The following GAPVD1 variants were observed in gnomAD, a reference collection of about 807,000 sequenced individuals.
GAPVD1 encodes GTPase activating protein and VPS9 domains 1, also known as GTPase-activating protein and VPS9 domain-containing protein 1.
Under a neutral mutation model 155.5 loss-of-function variants are expected in GAPVD1, and 35 were observed. That is an observed-to-expected ratio of 0.23 (90% CI 0.17 to 0.30). The LOEUF (loss-of-function observed/expected upper bound fraction) is 0.30, where lower values mean the gene tolerates loss of function less well. GAPVD1 is among the 10% of genes least tolerant of loss of function. The pLI is 1.00. For synonymous variants in GAPVD1, 636 were observed against 619.7 expected, an observed-to-expected ratio of 1.03 and a Z score of -0.39; for missense variants, 1,429 against 1,775.7, an observed-to-expected ratio of 0.80 and a Z score of 3.51.
intron 2 of GAPVD1, among the ~76,000 whole-genome samples, chr9:125,274,749 A>G (rs1056614693): frequency 3.3e-5 from 5 of 152,308 alleles, no homozygotes; most frequent in African/African-American, 1.2e-4. Context: ...GGCGTGAGCC[A>G]CTGTGCCTGG....
chr9:125,280,062 A>G (rs1228061633), intron 2 of GAPVD1, among the ~76,000 whole-genome samples: 1 of 148,970 alleles, frequency 6.7e-6, no homozygotes, highest in African/African-American at 2.5e-5. Context: ...TGCGCTGGCC[A>G]AAACATAGTT....
At chr9:125,298,025 C>G (rs1299250744) in intron 3 of GAPVD1, among the ~76,000 whole-genome samples, 1 of 152,066 alleles carries the variant, frequency 6.6e-6, no homozygotes, top group Non-Finnish European at 1.5e-5. Flanking sequence ...GGATTACATG[C>G]GTGAGCCACC....
chr9:125,328,843 C>T (rs560399487), intron 12 of GAPVD1, among the ~76,000 whole-genome samples: 1 of 148,510 alleles, frequency 6.7e-6, no homozygotes, highest in African/African-American at 2.5e-5. Context: ...ACCCCCCCCC[C>T]ACCTCCCTCC....
At chr9:125,284,514 G>T (rs956403075) in intron 2 of GAPVD1, among the ~76,000 whole-genome samples, 9 of 150,918 alleles carry the variant, frequency 6.0e-5, no homozygotes, top group African/African-American at 2.2e-4. Context: ...GTCTCGTTAT[G>T]TTGCCCAGGC....
intron 15 of GAPVD1, 92 bp downstream of exon 15, chr9:125,332,721 G>A (rs1376682375): frequency 4.9e-6 from 5 of 1,028,698 alleles, no homozygotes; most frequent in Non-Finnish European, 7.4e-6. Flanking sequence ...GCATCTGTTG[G>A]TATAGCACTT....
intron 20 of GAPVD1, among the ~76,000 whole-genome samples, chr9:125,348,256 C>G (rs1408377533): frequency 6.6e-6 from 1 of 152,086 alleles, no homozygotes; most frequent in Non-Finnish European, 1.5e-5. Flanking sequence ...GGGGCTTCGC[C>G]ATGTTGCCCA....
intron 25 of GAPVD1, among the ~76,000 whole-genome samples, chr9:125,357,890 G>T (rs146549358): frequency 6.6e-6 from 1 of 150,524 alleles, no homozygotes; most frequent in Admixed American, 6.6e-5. Flanking sequence ...CAGGAGGATT[G>T]CTTGAACCCA....
At chr9:125,280,147 A>G (rs914634040) in intron 2 of GAPVD1, among the ~76,000 whole-genome samples, 1 of 151,330 alleles carries the variant, frequency 6.6e-6, no homozygotes, top group African/African-American at 2.4e-5. Flanking sequence ...CTGTAATCCC[A>G]GCACTTTGGG....
At chr9:125,305,470 C>G (rs1841628248) in intron 6 of GAPVD1, among the ~76,000 whole-genome samples, 1 of 148,510 alleles carries the variant, frequency 6.7e-6, no homozygotes, top group South Asian at 2.1e-4. Context: ...CCTCCGGGTT[C>G]AAGCAACTCT....
intron 5 of GAPVD1, 66 bp from the exon 6 acceptor site, chr9:125,304,997 C>T: frequency 9.8e-7 from 1 of 1,017,804 alleles, no homozygotes; most frequent in Non-Finnish European, 1.6e-6. Flanking sequence ...TGCTTGCTTT[C>T]ATAGAGACGT....
intron 23 of GAPVD1, among the ~76,000 whole-genome samples, chr9:125,353,176 A>C (rs552266481): frequency 3.3e-5 from 5 of 152,280 alleles, no homozygotes; most frequent in Admixed American, 2.6e-4. Context: ...GCTGCTTAGA[A>C]ATTTCTTCTG....
intron 2 of GAPVD1, among the ~76,000 whole-genome samples, chr9:125,274,721 C>G (rs1030485462): frequency 3.9e-5 from 6 of 152,148 alleles, no homozygotes; most frequent in African/African-American, 1.4e-4. Flanking sequence ...CTTGGCCTCC[C>G]AAAGTGCTGG....
At chr9:125,331,896 A>T in intron 13 of GAPVD1, 30 bp from the exon 14 acceptor site, 1 of 1,611,500 alleles carries the variant, frequency 6.2e-7, no homozygotes, top group Non-Finnish European at 8.5e-7. Flanking sequence ...GAGAATCACA[A>T]ATGTAACATA....
At chr9:125,322,452 G>A (rs1844470674) in intron 10 of GAPVD1, among the ~76,000 whole-genome samples, 1 of 151,830 alleles carries the variant, frequency 6.6e-6, no homozygotes, top group Non-Finnish European at 1.5e-5. Flanking sequence ...ATTTTAATCT[G>A]ACTTTTCCAA....
chr9:125,331,134 G>A (rs1350246022), intron 13 of GAPVD1, among the ~76,000 whole-genome samples: 1 of 151,910 alleles, frequency 6.6e-6, no homozygotes, highest in Non-Finnish European at 1.5e-5. Flanking sequence ...AAGTAACTGT[G>A]TATCTGCATT....
intron 10 of GAPVD1, among the ~76,000 whole-genome samples, chr9:125,321,926 G>A (rs1320085888): frequency 2.0e-5 from 3 of 152,084 alleles, no homozygotes; most frequent in Non-Finnish European, 2.9e-5. Flanking sequence ...TCAATATGTT[G>A]CACATACTCT....
intron 2 of GAPVD1, among the ~76,000 whole-genome samples, chr9:125,273,496 C>CTTTT (rs1379407202): frequency 7.7e-6 from 1 of 129,766 alleles, no homozygotes; most frequent in African/African-American, 2.8e-5. Flanking sequence ...TTTTTCTTTT[C>CTTTT]TTTTTTTTTT....
At chr9:125,322,388 A>C (rs986537133) in intron 10 of GAPVD1, among the ~76,000 whole-genome samples, 1 of 151,784 alleles carries the variant, frequency 6.6e-6, no homozygotes, top group East Asian at 1.9e-4. Context: ...ATTTAAAGAC[A>C]ATAGTTCAAA....
At chr9:125,307,992 C>A in intron 8 of GAPVD1, 112 bp downstream of exon 8, 1 of 754,386 alleles carries the variant, frequency 1.3e-6, no homozygotes, top group South Asian at 1.6e-5. Context: ...AAGTCTTTCT[C>A]TTCATGTTTA....
Sources: gnomAD v4.1 joint callset for allele counts (sites outside exome capture counted in the v4.1 genomes callset) on GRCh38, gnomAD v4.1.1 for gene constraint, MANE v1.5 for transcripts, NCBI Gene and HGNC (gene_info 2026-07-23, HGNC 2026-07-21) for gene names.